Variants in SEMA3D observed in about 807,000 individuals in gnomAD.
SEMA3D encodes the protein semaphorin 3D.
In SEMA3D, 84 loss-of-function variants were observed where a neutral mutation model predicts 100.1. That is an observed-to-expected ratio of 0.84 (90% CI 0.70 to 1.01). The LOEUF is 1.01. Among genes scored for constraint, SEMA3D ranks in the 50% least tolerant of loss-of-function variants. The pLI, the probability that SEMA3D is intolerant of heterozygous loss-of-function variation, is 0.00. For missense variants in SEMA3D, 875 were observed against 934.1 expected (o/e 0.94, Z 0.82); for synonymous variants, 312 against 320.7 (o/e 0.97, Z 0.29).
intron 1 of SEMA3D, among the ~76,000 whole-genome samples, chr7:85,179,621 G>T (rs1291838806): frequency 2.0e-5 from 3 of 151,658 alleles, no homozygotes; most frequent in African/African-American, 7.3e-5. Context: ...TGCATATCTG[G>T]AAGAGACTTG....
chr7:85,229,425 T>C, the SEMA3D span, among the ~76,000 whole-genome samples: 4 of 152,030 alleles, frequency 2.6e-5, no homozygotes, highest in East Asian at 1.9e-4. Context: ...ATTCTACATA[T>C]TCAATAAGAG....
At chr7:85,165,400 A>G (rs368243865) in intron 1 of SEMA3D, among the ~76,000 whole-genome samples, 1 of 152,104 alleles carries the variant, frequency 6.6e-6, no homozygotes, top group African/African-American at 2.4e-5. Context: ...GACACATAAG[A>G]TACGACGTGA....
intron 3 of SEMA3D, among the ~76,000 whole-genome samples, chr7:85,119,536 C>T (rs558637020): frequency 1.3e-5 from 2 of 152,202 alleles, no homozygotes; most frequent in Non-Finnish European, 2.9e-5. Flanking sequence ...CATACTCTCA[C>T]TTATAAGTGG....
rs1345649493 is a variant in SEMA3D at position 85,075,710 on chromosome 7, T to C, written c.376-2629A>G. Among the ~76,000 whole-genome samples, 4 of 152,188 alleles carry C rather than the reference T, an allele frequency of 2.6e-5. No homozygotes were observed. In the East Asian group the frequency reaches 7.7e-4, roughly 29 times the overall value. On this transcript the variant is annotated intron_variant, in intron 5 of 18. Coordinates refer to ENST00000284136, the MANE Select transcript of SEMA3D (RefSeq NM_001384900.1). The stretch of plus-strand genomic sequence containing the variant: ...TGTAGGGAATTTGAGAGAGGATAGT[T>C]CTCTAAGCAGCCTAGAGGCAATAGA...
At position 84,999,106 on chromosome 7, in the gene SEMA3D, C is replaced by A. The variant is rs1381161709; in HGVS notation, c.*334G>T. On this transcript the variant is annotated 3_prime_UTR_variant, in exon 19 of 19. Transcript: ENST00000284136. The stretch of plus-strand genomic sequence containing the variant: ...AATGGACATTCGAGGGAATAAAGCA[C>A]CTTATACACTATCAAATTCGGGGCT... 1.3e-5 allele frequency: 4 copies of A among 315,042 alleles called. No homozygotes were observed. The South Asian group carries it at 1.6e-4, about 12-fold the overall frequency. 19.5% of individuals were successfully genotyped at this position (315,042 alleles called of 1,614,324 possible). A position where few individuals can be genotyped will look rare whatever the true frequency, so the allele number is the denominator to read the frequency against.
intron 13 of SEMA3D, among the ~76,000 whole-genome samples, chr7:85,021,359 G>A (rs750321524): frequency 4.6e-5 from 7 of 151,662 alleles, no homozygotes; most frequent in African/African-American, 1.5e-4. Flanking sequence ...CAAATTAAGC[G>A]TCAAACTTGT....
intron 2 of SEMA3D, among the ~76,000 whole-genome samples, chr7:85,122,901 G>C (rs1388436149): frequency 6.6e-6 from 1 of 152,116 alleles, no homozygotes; most frequent in African/African-American, 2.4e-5. Context: ...GTAAGATGTA[G>C]AGTCAATCAA....
At chr7:85,054,385 A>G (rs1455977608) in intron 9 of SEMA3D, among the ~76,000 whole-genome samples, 1 of 152,082 alleles carries the variant, frequency 6.6e-6, no homozygotes, top group Non-Finnish European at 1.5e-5. Context: ...GCTATAAGGC[A>G]TGCTTCAATA....
At chr7:85,187,657 C>A (rs1358926462), upstream of SEMA3D, among the ~76,000 whole-genome samples, 1 of 152,020 alleles carries the variant, frequency 6.6e-6, no homozygotes. Flanking sequence ...ATTTTTGCAC[C>A]CCTTATTCAC....
At chr7:85,242,414 A>AT in the SEMA3D span, among the ~76,000 whole-genome samples, 2 of 152,006 alleles carry the variant, frequency 1.3e-5, no homozygotes, top group Non-Finnish European at 2.9e-5. Flanking sequence ...TCTCTGAGAT[A>AT]TTTTTTATTG....
At chr7:85,001,295 T>C (rs1789647885) in intron 18 of SEMA3D, among the ~76,000 whole-genome samples, 1 of 152,194 alleles carries the variant, frequency 6.6e-6, no homozygotes, top group South Asian at 2.1e-4. Flanking sequence ...TTTGTTTGTT[T>C]CTCTTATGTT....
the SEMA3D span, among the ~76,000 whole-genome samples, chr7:85,205,973 T>C: frequency 2.0e-5 from 3 of 152,122 alleles, no homozygotes; most frequent in African/African-American, 7.2e-5. Context: ...CAAAACAGTT[T>C]CCTGCTGTGA....
intron 2 of SEMA3D, among the ~76,000 whole-genome samples, chr7:85,131,306 G>C (rs1583953186): frequency 1.3e-5 from 2 of 152,038 alleles, no homozygotes; most frequent in Non-Finnish European, 2.9e-5. Context: ...AAACAAGCAA[G>C]CAAATAAATT....
rs938866917 is a variant in SEMA3D at position 85,179,647 on chromosome 7, G to A, written c.-173+7031C>T. Among the ~76,000 whole-genome samples the A allele has an allele frequency of 1.2e-4, 18 of 147,500 alleles. 1 individual carries two copies. Among genetic ancestry groups the A allele is most frequent in the Non-Finnish European group, 2.4e-4 (16 of 67,404 alleles). On this transcript the variant is annotated intron_variant, in intron 1 of 18. Coordinates refer to ENST00000284136, the MANE Select transcript of SEMA3D (RefSeq NM_001384900.1). ...AAGAGACTTGCTTTGTCTCAGATGA[G>A]ACTATGGACTTGAACTTTTTTTTTT...
intron 4 of SEMA3D, among the ~76,000 whole-genome samples, chr7:85,083,943 C>A (rs1445873727): frequency 6.6e-6 from 1 of 151,292 alleles, no homozygotes; most frequent in South Asian, 2.1e-4. Context: ...GTCAGGAGAT[C>A]GAGACGATCC....
the SEMA3D span, among the ~76,000 whole-genome samples, chr7:85,214,592 G>A: frequency 2.8e-4 from 43 of 152,096 alleles, no homozygotes; most frequent in Admixed American, 2.2e-3. Context: ...TACCTCCCGG[G>A]TTCAAGCAAT....
At chr7:85,006,766 C>A in intron 18 of SEMA3D, 36 bp downstream of exon 18, 2 of 1,533,150 alleles carry the variant, frequency 1.3e-6, no homozygotes, top group South Asian at 1.2e-5. Context: ...ACACTATTTC[C>A]CTCAAAGTGA....
rs185382933 is a variant in SEMA3D, at chr7:85,026,185, T to G, written c.1192-3572A>C. Reference sequence around the variant, plus strand: ...GAATCTGGACTCAGGATATCCAGAGTCTAGTCCTGCCTCTGCTTCTCCCTT... The same window carrying G: ...GAATCTGGACTCAGGATATCCAGAGGCTAGTCCTGCCTCTGCTTCTCCCTT... On this transcript the variant is annotated intron_variant, in intron 12 of 18. Transcript: ENST00000284136. Among the ~76,000 whole-genome samples the G allele has an allele frequency of 5.3e-5, 8 of 152,046 alleles. No individual in the cohort carries two copies. In the East Asian group the frequency reaches 1.6e-3, roughly 30 times the overall value.
upstream of SEMA3D, among the ~76,000 whole-genome samples, chr7:85,188,912 A>G (rs1176537548): frequency 6.6e-6 from 1 of 152,176 alleles, no homozygotes; most frequent in Non-Finnish European, 1.5e-5. Flanking sequence ...TTAGTTATGC[A>G]TGTGTCTGCA....
Sources: gnomAD v4.1 joint callset for allele counts (sites outside exome capture counted in the v4.1 genomes callset) on GRCh38, gnomAD v4.1.1 for gene constraint, MANE v1.5 for transcripts, NCBI Gene and HGNC (gene_info 2026-07-23, HGNC 2026-07-21) for gene names.